The following WDFY4 variants were observed in gnomAD, a reference collection of about 807,000 sequenced individuals.
WDFY4 encodes WDFY family member 4, also known as WD repeat- and FYVE domain-containing protein 4.
WDFY4 carries 169 observed loss-of-function variants against 351.9 expected under a neutral mutation model. That is an observed-to-expected ratio of 0.48 (90% confidence interval 0.42 to 0.55). The LOEUF (loss-of-function observed/expected upper bound fraction) is 0.55. Ranked by LOEUF, WDFY4 falls within the 20% of genes least tolerant of loss-of-function variation. The pLI is 0.00. For missense variants in WDFY4, 3,803 were observed against 3,935.6 expected (o/e 0.97, Z 0.90); for synonymous variants, 1,622 against 1,574.6 (o/e 1.03, Z -0.71).
At position 48,788,679 on chromosome 10, in the gene WDFY4, C is replaced by A. The variant is rs1418390019; in HGVS notation, c.3954+4C>A. On this transcript the variant is annotated splice_donor_region_variant and intron_variant, in intron 21 of 61. Coordinates refer to ENST00000325239, the MANE Select transcript of WDFY4 (RefSeq NM_001394531.1). ...CAGCCGCCTGATCGCCAAAGAGGTA[C>A]ATCTTCTAACTTCGCTGCTAATCTC... is the stretch of plus-strand genomic sequence containing the variant. The A allele has an allele frequency of 1.3e-6, 2 of 1,551,454 alleles. No individual in the cohort carries two copies. Among genetic ancestry groups the A allele is most frequent in the South Asian group, 2.4e-5 (2 of 84,050 alleles).
intron 59 of WDFY4, 95 bp from the exon 60 acceptor site, chr10:48,978,213 TG>T: frequency 1.6e-6 from 2 of 1,282,708 alleles, no homozygotes; most frequent in Non-Finnish European, 2.1e-6. Context: ...ATCCTTTCCC[TG>T]GGGGACCCCT....
At chr10:48,687,134 CA>C in intron 1 of WDFY4, among the ~76,000 whole-genome samples, 1 of 152,270 alleles carries the variant, frequency 6.6e-6, no homozygotes, top group Non-Finnish European at 1.5e-5. Flanking sequence ...ACATCTTTTT[CA>C]TATGTTTATT....
rs1352929224 is a variant in WDFY4 at position 48,830,793 on chromosome 10, T to A, written c.6434T>A (p.Leu2145His). 1 of 1,551,526 alleles carries A rather than the reference T, an allele frequency of 6.4e-7. No homozygotes were observed. The highest frequency in any genetic ancestry group is 2.0e-5 in the Admixed American group (1 of 50,984). Residue 2145 changes from leucine to histidine, a missense_variant, in exon 38 of 62, where the codon CTC (leucine) becomes CAC (histidine). Coordinates refer to ENST00000325239, the MANE Select transcript of WDFY4 (RefSeq NM_001394531.1). ...QTLEDAFKID[L>H]SVKPGEREVK... The stretch of plus-strand genomic sequence containing the variant: ...CTGGAGGATGCCTTCAAGATCGATC[T>A]CTCTGTGAAACCTGGAGAGAGGGAA...
chr10:48,864,937 CATTT>C (rs2069488460), intron 39 of WDFY4, among the ~76,000 whole-genome samples: 1 of 152,106 alleles, frequency 6.6e-6, no homozygotes. Flanking sequence ...TTGCTTAATT[CATTT>C]ATTGGTCCTA....
intron 1 of WDFY4, among the ~76,000 whole-genome samples, chr10:48,703,497 C>T (rs1357457684): frequency 6.6e-6 from 1 of 152,170 alleles, no homozygotes; most frequent in Non-Finnish European, 1.5e-5. Flanking sequence ...GAATTTTAAT[C>T]TTTAATTTTT....
In WDFY4 at chr10:48,947,613, G is replaced by A. The variant is rs527906451; in HGVS notation, c.7977+644G>A. On this transcript the variant is annotated intron_variant, in intron 51 of 61. Coordinates refer to ENST00000325239, the MANE Select transcript of WDFY4 (RefSeq NM_001394531.1). ...CACTCTGGTGTCCAAGTGTTGCCAG[G>A]TTGGTGTCCAAGGCATGGGGGATTT... is the stretch of plus-strand genomic sequence containing the variant. 3.9e-5 allele frequency among the ~76,000 whole-genome samples: 6 copies of A among 152,334 alleles called. No homozygotes were observed. The South Asian group carries it at 1.0e-3, about 26-fold the overall frequency.
chr10:48,869,319 A>G lies in WDFY4; in HGVS notation c.6741+1977A>G, dbSNP rs930772042. Reference sequence around the variant, plus strand: ...TGCACCAAATGAGGCCCTCCTAAGAAGGGGAGATTCAGGGGCCCTTGCCCA... The same window carrying G: ...TGCACCAAATGAGGCCCTCCTAAGAGGGGGAGATTCAGGGGCCCTTGCCCA... On this transcript the variant is annotated intron_variant, in intron 40 of 61. Coordinates refer to ENST00000325239, the MANE Select transcript of WDFY4 (RefSeq NM_001394531.1). 2.0e-5 allele frequency among the ~76,000 whole-genome samples: 3 copies of G among 152,162 alleles called. 1 individual carries two copies. The highest frequency in any genetic ancestry group is 6.5e-5 in the Admixed American group (1 of 15,280).
chr10:48,980,673 T>C (rs1842770313), intron 60 of WDFY4, among the ~76,000 whole-genome samples: 1 of 152,146 alleles, frequency 6.6e-6, no homozygotes, highest in African/African-American at 2.4e-5. Flanking sequence ...GGACCCCTCA[T>C]GCATTTCCTG....
At chr10:48,873,208 T>G (rs1445421798) in intron 40 of WDFY4, among the ~76,000 whole-genome samples, 1 of 152,260 alleles carries the variant, frequency 6.6e-6, no homozygotes, top group Non-Finnish European at 1.5e-5. Flanking sequence ...CTTCCAGACC[T>G]GTTGCTTTCT....
chr10:48,968,415 G>A (rs1842183565), intron 55 of WDFY4: 1 of 152,796 alleles, frequency 6.5e-6, no homozygotes, highest in African/African-American at 2.4e-5. Flanking sequence ...TCTTATCCTG[G>A]AGCCTTTCCT....
intron 47 of WDFY4, among the ~76,000 whole-genome samples, chr10:48,919,380 G>A (rs1331575934): frequency 1.3e-5 from 2 of 152,124 alleles, no homozygotes; most frequent in Non-Finnish European, 1.5e-5. Flanking sequence ...TTGAAGAAAT[G>A]GAATTCACGG....
Position 48,973,332 on chromosome 10 carries a change from C to T in WDFY4, c.8929-1530C>T, listed in dbSNP as rs148080308. On this transcript the variant is annotated intron_variant, in intron 57 of 61. Coordinates refer to ENST00000325239, the MANE Select transcript of WDFY4 (RefSeq NM_001394531.1). ...GCTCACTTAGGCAGTTTTCATTTTC[C>T]TAGGATGACCCAAATCTTCTTCTGT... 9.9e-3 allele frequency among the ~76,000 whole-genome samples: 1,505 copies of T among 151,674 alleles called. 12 individuals are homozygous for T. The highest frequency in any genetic ancestry group is 0.016 in the Non-Finnish European group (1,115 of 67,852).
At chr10:48,882,227 G>A (rs1564445965) in intron 43 of WDFY4, among the ~76,000 whole-genome samples, 1 of 152,192 alleles carries the variant, frequency 6.6e-6, no homozygotes, top group Non-Finnish European at 1.5e-5. Flanking sequence ...GGGGTGGGGA[G>A]GGTCTTGACT....
rs201634142 is a variant in WDFY4 at position 48,786,551 on chromosome 10, TAA to T, written c.3577-87_3577-86del. 1.3e-4 allele frequency: 129 copies of T among 976,848 alleles called. 1 individual carries two copies. In the East Asian group the frequency reaches 3.4e-3, roughly 26 times the overall value. The allele number at this position is 976,848 out of a possible 1,614,324, so 60.5% of individuals were successfully genotyped here. On this transcript the variant is annotated intron_variant, in intron 19 of 61. Transcript: ENST00000325239. ...ATACATTTTTACTATGAGATGAGAA[TAA>T]GATGCATCATGTTATATCACTTTGT... is the stretch of plus-strand genomic sequence containing the variant.
chr10:48,732,742 T>C (rs2064508302), intron 9 of WDFY4, among the ~76,000 whole-genome samples: 1 of 152,210 alleles, frequency 6.6e-6, no homozygotes, highest in Non-Finnish European at 1.5e-5. Flanking sequence ...GCCTGGTACA[T>C]AACAGGGGCT....
chr10:48,844,837 G>A (rs1397731066), intron 39 of WDFY4, among the ~76,000 whole-genome samples: 2 of 152,180 alleles, frequency 1.3e-5, no homozygotes, highest in South Asian at 4.1e-4. Context: ...CCCACACTCT[G>A]TTTGAGGGGA....
At chr10:48,727,697 C>T (rs1816649962) in intron 7 of WDFY4, 38 bp downstream of exon 7, 1 of 1,546,306 alleles carries the variant, frequency 6.5e-7, no homozygotes, top group African/African-American at 1.4e-5. Context: ...AGCACAGGAC[C>T]ACCAAAGCCT....
intron 1 of WDFY4, among the ~76,000 whole-genome samples, chr10:48,694,467 A>G (rs2063278745): frequency 6.7e-6 from 1 of 149,990 alleles, no homozygotes; most frequent in East Asian, 2.0e-4. Flanking sequence ...ACCACCCCCT[A>G]GCCTCCTCCA....
intron 18 of WDFY4, among the ~76,000 whole-genome samples, chr10:48,779,443 G>C (rs571673331): frequency 2.6e-5 from 4 of 152,230 alleles, no homozygotes; most frequent in Non-Finnish European, 5.9e-5. Flanking sequence ...TGTCCTGAGA[G>C]TGTCACTGTT....
Sources: gnomAD v4.1 joint callset for allele counts (sites outside exome capture counted in the v4.1 genomes callset) on GRCh38, gnomAD v4.1.1 for gene constraint, MANE v1.5 for transcripts, NCBI Gene and HGNC (gene_info 2026-07-23, HGNC 2026-07-21) for gene names.